The following RPL36A variants were observed in gnomAD, a reference collection of about 807,000 sequenced individuals.
The protein encoded by RPL36A is ribosomal protein L36a, also known as large ribosomal subunit protein eL42.
For synonymous variants in RPL36A, 25 were observed against 28.5 expected, an observed-to-expected ratio of 0.88 and a Z score of 0.39; for missense variants, 20 against 81.0, an observed-to-expected ratio of 0.25 and a Z score of 2.89.
chrX:101,391,881 T>C (rs1555983507), intron 3 of RPL36A, 59 bp downstream of exon 3: 1 of 1,197,381 alleles, frequency 8.4e-7, no homozygotes, highest in Non-Finnish European at 1.1e-6. Flanking sequence ...TATGCACTTG[T>C]CTCTAGTCCA....
At chrX:101,391,952 T>C (rs1394198578) in intron 3 of RPL36A, 130 bp downstream of exon 3, 1 of 1,183,205 alleles carries the variant, frequency 8.5e-7, no homozygotes, top group Non-Finnish European at 1.1e-6. Flanking sequence ...CTGATATATC[T>C]AGTAGGTGAT....
In RPL36A at chrX:101,394,611, A is replaced by G. The variant is rs782427013; in HGVS notation, c.178-724A>G. Among the ~76,000 whole-genome samples, 11 of 105,416 alleles carry G rather than the reference A, an allele frequency of 1.0e-4. No individual in the cohort carries two copies. The South Asian group carries it at 4.1e-3, about 40-fold the overall frequency. 91.5% of individuals were successfully genotyped at this position (105,416 alleles called of 115,157 possible). ...TGGCAAGATGAGTTGCCCATTTGAT[A>G]GGAAGCTCTAGGATGTTTGATCTGA... On this transcript the variant is annotated intron_variant, in intron 3 of 4. Coordinates refer to ENST00000553110, the MANE Select transcript of RPL36A (RefSeq NM_021029.6).
rs782783262 is a variant in RPL36A at position 101,395,313 on chromosome X, CTTTAA to C, written c.178-13_178-9del. 3.0e-5 allele frequency: 35 copies of C among 1,168,416 alleles called. No homozygotes were observed. The highest frequency in any genetic ancestry group is 8.0e-5 in the South Asian group (4 of 50,207). The stretch of plus-strand genomic sequence containing the variant: ...GATCTTCTGTAGTTATTTATTAAGG[CTTTAA>C]TTTAATTTTTTTTCAGGCTAAAACT... On this transcript the variant is annotated splice_polypyrimidine_tract_variant and intron_variant, in intron 3 of 4. Coordinates refer to ENST00000553110, the MANE Select transcript of RPL36A (RefSeq NM_021029.6).
Position 101,391,328 on chromosome X carries a change from C to T in RPL36A, c.4-131C>T, listed in dbSNP as rs1206575101. The T allele has an allele frequency of 5.0e-5, 42 of 834,430 alleles. No homozygotes were observed. In the East Asian group the frequency reaches 1.1e-3, roughly 22 times the overall value. 68.8% of individuals were successfully genotyped at this position (834,430 alleles called of 1,213,427 possible). A position where few individuals can be genotyped will look rare whatever the true frequency, so the allele number is the denominator to read the frequency against. ...CTCTGCTTGAAGCACATGGGGCTGG[C>T]CCACCCTGTAGTCAGAGGTAGCAAG... On this transcript the variant is annotated intron_variant, in intron 1 of 4. Transcript: ENST00000553110.
chrX:101,395,486 C>G, intron 4 of RPL36A, 29 bp downstream of exon 4: 1 of 1,198,550 alleles, frequency 8.3e-7, no homozygotes, highest in Non-Finnish European at 1.1e-6. Context: ...AAGGTGCAAT[C>G]TTTTTCATAG....
chrX:101,392,598 C>T (rs1431804266), intron 3 of RPL36A: 7 of 752,191 alleles, frequency 9.3e-6, no homozygotes, highest in Non-Finnish European at 1.1e-5. Flanking sequence ...TTAAGAACTG[C>T]AAACTAGCAG....
intron 3 of RPL36A, among the ~76,000 whole-genome samples, chrX:101,394,959 T>C (rs1229074611): frequency 9.6e-6 from 1 of 104,261 alleles, no homozygotes; most frequent in Non-Finnish European, 1.9e-5. Context: ...CGGCTGATTT[T>C]TTTGTATTTT....
At position 101,395,537 on chromosome X, in the gene RPL36A, T is replaced by C. The variant is rs782022935; in HGVS notation, c.300+80T>C. 2.6e-6 allele frequency: 3 copies of C among 1,151,287 alleles called. No homozygotes were observed. The African/African-American group carries it at 5.4e-5, about 21-fold the overall frequency. 94.9% of individuals were successfully genotyped at this position (1,151,287 alleles called of 1,213,427 possible). Reference sequence around the variant, plus strand: ...AGGTGAACATCTATTCATTGTGGCATAGAGCTCAGGGGTAATCCTCTAAAA... The same window carrying C: ...AGGTGAACATCTATTCATTGTGGCACAGAGCTCAGGGGTAATCCTCTAAAA... On this transcript the variant is annotated intron_variant, in intron 4 of 4. Coordinates refer to ENST00000553110, the MANE Select transcript of RPL36A (RefSeq NM_021029.6).
chrX:101,391,164 C>G, intron 1 of RPL36A, 118 bp downstream of exon 1: 1 of 855,223 alleles, frequency 1.2e-6, no homozygotes, highest in Non-Finnish European at 1.7e-6. Context: ...TCAGAGCAAC[C>G]CAATCTTGCC....
chrX:101,395,524 A>G (rs782488044), intron 4 of RPL36A, 67 bp downstream of exon 4: 3 of 1,167,609 alleles, frequency 2.6e-6, no homozygotes, highest in African/African-American at 1.8e-5. Flanking sequence ...GTGAACATCT[A>G]TTCATTGTGG....
chrX:101,395,841 C>A lies in RPL36A; in HGVS notation c.*93C>A. ...TCTTTTGGGAGGGAATAAGCTAGAG[C>A]CATCAATACAATTCCGCTTGTGGGG... On this transcript the variant is annotated 3_prime_UTR_variant, in exon 5 of 5. Transcript: ENST00000553110. The A allele has an allele frequency of 1.2e-6, 1 of 862,765 alleles. No homozygotes were observed. Among genetic ancestry groups the A allele is most frequent in the Non-Finnish European group, 1.7e-6 (1 of 605,468 alleles). 71.1% of individuals were successfully genotyped at this position (862,765 alleles called of 1,213,427 possible).
chrX:101,392,084 A>G (rs1284047627), intron 3 of RPL36A: 19 of 1,136,265 alleles, frequency 1.7e-5, no homozygotes, highest in Non-Finnish European at 2.1e-5. Flanking sequence ...CTGCTTTCCT[A>G]AGAACTGAAG....
chrX:101,393,721 C>T lies in RPL36A; in HGVS notation c.178-1614C>T, dbSNP rs1198978275. On this transcript the variant is annotated intron_variant, in intron 3 of 4. Coordinates refer to ENST00000553110, the MANE Select transcript of RPL36A (RefSeq NM_021029.6). ...AGGGGCATTTTACAAAATACTTGAC[C>T]AGTAGTGCGGAAATTGTCAAGGTCA... is the stretch of plus-strand genomic sequence containing the variant. The T allele has an allele frequency of 2.7e-5, 3 of 111,529 alleles. No individual in the cohort carries two copies. The South Asian group carries it at 1.1e-3, about 42-fold the overall frequency. 9.2% of individuals were successfully genotyped at this position (111,529 alleles called of 1,213,427 possible).
intron 3 of RPL36A, among the ~76,000 whole-genome samples, chrX:101,394,790 ATTTT>A (rs1175645490): frequency 2.5e-5 from 2 of 78,949 alleles, no homozygotes; most frequent in African/African-American, 1.1e-4. Flanking sequence ...ATATATATAT[ATTTT>A]TTTTTTTTTT....
chrX:101,392,007 A>G (rs1470323966), intron 3 of RPL36A, 185 bp downstream of exon 3: 7 of 1,164,455 alleles, frequency 6.0e-6, no homozygotes, highest in Non-Finnish European at 6.9e-6. Context: ...ACAATACTGC[A>G]CTATTTCAGT....
At chrX:101,391,153 A>G in intron 1 of RPL36A, 107 bp downstream of exon 1, 1 of 914,034 alleles carries the variant, frequency 1.1e-6, no homozygotes, top group Non-Finnish European at 1.6e-6. Context: ...GACTCGATAT[A>G]TCAGAGCAAC....
intron 2 of RPL36A, 89 bp downstream of exon 2, chrX:101,391,653 G>A (rs782569704): frequency 3.1e-5 from 37 of 1,193,680 alleles, no homozygotes; most frequent in Non-Finnish European, 4.1e-5. Context: ...CTCCACGCCT[G>A]GCTTGAGCGT....
intron 3 of RPL36A, chrX:101,395,097 A>AT (rs1477188322): frequency 9.0e-5 from 18 of 200,675 alleles, no homozygotes; most frequent in Non-Finnish European, 1.2e-4. Context: ...CCTTCTCTTT[A>AT]TTTTTTTTAG....
chrX:101,394,881 C>T lies in RPL36A; in HGVS notation c.178-454C>T, dbSNP rs782242438. ...CTCACTGCAACTTCCGCCCACCTCC[C>T]GGGTTCAAGTGATTCTTCTGCCTCA... On this transcript the variant is annotated intron_variant, in intron 3 of 4. Transcript: ENST00000553110. Among the ~76,000 whole-genome samples the T allele has an allele frequency of 5.0e-5, 5 of 99,985 alleles. No individual in the cohort carries two copies. In the East Asian group the frequency reaches 1.3e-3, roughly 25 times the overall value. 86.8% of individuals were successfully genotyped at this position (99,985 alleles called of 115,157 possible). A position where few individuals can be genotyped will look rare whatever the true frequency, so the allele number is the denominator to read the frequency against.
Sources: allele counts gnomAD v4.1 joint callset (sites outside exome capture counted in the v4.1 genomes callset), GRCh38; gene constraint gnomAD v4.1.1; transcripts MANE v1.5; gene names NCBI Gene and HGNC (gene_info 2026-07-23, HGNC 2026-07-21).